Variants in MAP4 observed in about 807,000 individuals in gnomAD.
MAP4 encodes the protein microtubule associated protein 4, also known as microtubule-associated protein 4.
MAP4 carries 76 observed loss-of-function variants against 170.2 expected under a neutral mutation model. The observed-to-expected ratio is 0.45, with a 90% CI of 0.37 to 0.54. MAP4 has a LOEUF of 0.54. Ranked by LOEUF, MAP4 falls within the 20% of genes least tolerant of loss-of-function variation. The probability of loss-of-function intolerance (pLI) is 0.00; values close to 1 mark genes in which losing one functional copy is unlikely to be tolerated. For missense variants in MAP4, 2,506 were observed against 2,748.0 expected (o/e 0.91, Z 1.97); for synonymous variants, 909 against 994.5 (o/e 0.91, Z 1.62).
intron 1 of MAP4, among the ~76,000 whole-genome samples, chr3:48,061,805 C>G (rs1179218976): frequency 2.6e-5 from 4 of 151,594 alleles, no homozygotes; most frequent in African/African-American, 9.7e-5. Context: ...GGGGCAGCCC[C>G]CACCCGGCCA....
Position 47,852,801 on chromosome 3 carries a change from A to G in MAP4, c.*133T>C. 6.5e-7 allele frequency: 1 copy of G among 1,549,268 alleles called. No individual in the cohort carries two copies. The highest frequency in any genetic ancestry group is 8.7e-7 in the Non-Finnish European group (1 of 1,146,968). ...CCAAGCGCTCACTGGTCTAGTGGACAGCCCGGGAAAGGGGGCCAAGGACCC... is the reference window on the plus strand; with the variant it reads ...CCAAGCGCTCACTGGTCTAGTGGACGGCCCGGGAAAGGGGGCCAAGGACCC... On this transcript the variant is annotated 3_prime_UTR_variant, in exon 21 of 21. Coordinates refer to ENST00000683076, the MANE Select transcript of MAP4 (RefSeq NM_001385682.1).
chr3:48,051,214 A>G (rs924980558), intron 1 of MAP4, among the ~76,000 whole-genome samples: 5 of 151,514 alleles, frequency 3.3e-5, no homozygotes, highest in African/African-American at 1.2e-4. Context: ...GGAGTTCAAG[A>G]CCAGCCTGGG....
rs754730874 is a variant in MAP4, at chr3:47,852,859, G to A, written c.*75C>T. 3.8e-6 allele frequency: 6 copies of A among 1,565,904 alleles called. No individual in the cohort carries two copies. The highest frequency in any genetic ancestry group is 1.9e-5 in the Admixed American group (1 of 51,932). On this transcript the variant is annotated 3_prime_UTR_variant, in exon 21 of 21. Coordinates refer to ENST00000683076, the MANE Select transcript of MAP4 (RefSeq NM_001385682.1). Reference sequence around the variant, plus strand: ...CGAGTTGGGGCCGCCAGGGAAGTGTGGGGGGCGGGAGACAATGTCGGCCCC... The same window carrying A: ...CGAGTTGGGGCCGCCAGGGAAGTGTAGGGGGCGGGAGACAATGTCGGCCCC...
Position 47,855,050 on chromosome 3 carries a change from G to A in MAP4, c.6696+198C>T. 1 of 551,012 alleles carries A rather than the reference G, an allele frequency of 1.8e-6. No homozygotes were observed. The highest frequency in any genetic ancestry group is 3.3e-6 in the Non-Finnish European group (1 of 305,174). The allele number at this position is 551,012 out of a possible 1,614,324, so 34.1% of individuals were successfully genotyped here. A position where few individuals can be genotyped will look rare whatever the true frequency, so the allele number is the denominator to read the frequency against. ...GCCTCCAGCTGACAGGTGAGGGGTG[G>A]CTGGGCTGGGGCCTCTTCACTTCTG... On this transcript the variant is annotated intron_variant, in intron 19 of 20. Coordinates refer to ENST00000683076, the MANE Select transcript of MAP4 (RefSeq NM_001385682.1). This position sits in a 1 kb window ranked among gnomAD's most constrained non-coding sequence, Gnocchi z 5.1.
At chr3:48,054,629 CAAAAAAA>C (rs745809251) in intron 1 of MAP4, among the ~76,000 whole-genome samples, 27 of 39,540 alleles carry the variant, frequency 6.8e-4, no homozygotes, top group Non-Finnish European at 6.1e-4. Flanking sequence ...GACTCCATCT[CAAAAAAA>C]AAAAAAAAAA....
intron 1 of MAP4, among the ~76,000 whole-genome samples, chr3:48,062,639 G>A (rs1352965826): frequency 6.6e-6 from 1 of 151,116 alleles, no homozygotes; most frequent in Non-Finnish European, 1.5e-5. Context: ...AATGAACAAT[G>A]TGGCTGGGCG....
chr3:47,880,645 A>G (rs577460120), intron 10 of MAP4, among the ~76,000 whole-genome samples: 6 of 151,848 alleles, frequency 4.0e-5, no homozygotes, highest in African/African-American at 1.5e-4. Flanking sequence ...TACAAAAAAA[A>G]TTTTTTTGAA....
chr3:47,927,676 T>C (rs1166473864), intron 4 of MAP4, among the ~76,000 whole-genome samples: 1 of 152,158 alleles, frequency 6.6e-6, no homozygotes, highest in Non-Finnish European at 1.5e-5. Flanking sequence ...CGTTTCTCCA[T>C]GTTGGTCAGG....
At chr3:47,861,781 C>G (rs1211421856) in intron 17 of MAP4, among the ~76,000 whole-genome samples, 1 of 151,546 alleles carries the variant, frequency 6.6e-6, no homozygotes, top group Non-Finnish European at 1.5e-5. Flanking sequence ...ATTGATTGAG[C>G]CCAGAAGGCG....
intron 3 of MAP4, 92 bp downstream of exon 3, chr3:47,977,773 C>T: frequency 3.5e-6 from 3 of 848,768 alleles, no homozygotes; most frequent in Non-Finnish European, 5.9e-6. Flanking sequence ...AATTCATATG[C>T]TTCCATTAAT....
Position 47,916,990 on chromosome 3 carries a change from T to C in MAP4, c.837A>G (p.Glu279=). 1 of 1,614,212 alleles carries C rather than the reference T, an allele frequency of 6.2e-7. No individual in the cohort carries two copies. Among genetic ancestry groups the C allele is most frequent in the Non-Finnish European group, 8.5e-7 (1 of 1,180,036 alleles). ...GTGTCACATCTAATTTGGTGGGTGA[T>C]TCCATATCTTTAGCCAATGCCACCT... ...KTEVALAKDM[E]SPTKLDVTLA... The change falls in exon 7 of 21, where the codon GAA becomes GAG. Residue 279 remains glutamate (E), a synonymous_variant. Coordinates refer to ENST00000683076, the MANE Select transcript of MAP4 (RefSeq NM_001385682.1).
chr3:47,998,787 A>C lies in MAP4; in HGVS notation c.74T>G (p.Phe25Cys). ...PDIEGEIKRD[F>C]IATLEAEAFD... ...GGCCTCTGCCTCTAGTGTGGCAATG[A>C]AGTCCCGCTTTATCTCTCCCTCAAT... The change falls in exon 2 of 21, where the codon TTC becomes TGC. Residue 25 changes from phenylalanine (F) to cysteine (C), a missense_variant. Transcript: ENST00000683076. 6.2e-7 allele frequency: 1 copy of C among 1,614,130 alleles called. No homozygotes were observed. Among genetic ancestry groups the C allele is most frequent in the South Asian group, 1.1e-5 (1 of 91,084 alleles).
chr3:48,061,223 C>T (rs949916054), intron 1 of MAP4, among the ~76,000 whole-genome samples: 14 of 150,750 alleles, frequency 9.3e-5, no homozygotes, highest in South Asian at 4.2e-4. Flanking sequence ...TCTCTTTCCA[C>T]GGTCTCCCTC....
chr3:48,029,523 A>G (rs1375386579), intron 1 of MAP4, among the ~76,000 whole-genome samples: 2 of 152,152 alleles, frequency 1.3e-5, no homozygotes, highest in African/African-American at 4.8e-5. Context: ...AGTTTTGTCA[A>G]TGACCTGAAA....
chr3:47,869,361 C>T (rs752464254), intron 15 of MAP4, 34 bp from the exon 16 acceptor site: 10 of 1,427,756 alleles, frequency 7.0e-6, no homozygotes, highest in Admixed American at 3.4e-5. Flanking sequence ...AAATTTCAAA[C>T]CAAGAGGATA....
chr3:47,916,823 A>G lies in MAP4; in HGVS notation c.1004T>C (p.Val335Ala). The change falls in exon 7 of 21, where the codon GTA becomes GCA. Residue 335 changes from valine to alanine, a missense_variant. Physicochemically the swap from Val to Ala is moderately conservative, Grantham distance 64 (BLOSUM62 0). Coordinates refer to ENST00000683076, the MANE Select transcript of MAP4 (RefSeq NM_001385682.1). ...ETDVSSAKNV[V>A]LPTETEVAPA... Reference sequence around the variant, plus strand: ...GGCTACCTCTGTTTCTGTGGGCAGTACCACATTCTTGGCTGAAGATACATC... The same window carrying G: ...GGCTACCTCTGTTTCTGTGGGCAGTGCCACATTCTTGGCTGAAGATACATC... The G allele has an allele frequency of 1.2e-6, 2 of 1,614,216 alleles. No homozygotes were observed. The highest frequency in any genetic ancestry group is 1.7e-6 in the Non-Finnish European group (2 of 1,180,040).
intron 3 of MAP4, among the ~76,000 whole-genome samples, chr3:47,960,107 G>A (rs2100070656): frequency 2.0e-5 from 3 of 152,108 alleles, no homozygotes; most frequent in Admixed American, 1.3e-4. Context: ...CAAGTGATCC[G>A]CCTGCCTCGC....
At chr3:47,971,289 T>C (rs764276326) in intron 3 of MAP4, among the ~76,000 whole-genome samples, 5 of 152,244 alleles carry the variant, frequency 3.3e-5, no homozygotes, top group Non-Finnish European at 7.3e-5. Context: ...TGAGTTATGA[T>C]GCCAATTTAC....
intron 1 of MAP4, among the ~76,000 whole-genome samples, chr3:48,008,831 C>G (rs2100103780): frequency 6.6e-6 from 1 of 152,162 alleles, no homozygotes; most frequent in African/African-American, 2.4e-5. Context: ...CTTCCACTCA[C>G]CAAGGCTGAC....
Sources: allele counts gnomAD v4.1 joint callset (sites outside exome capture counted in the v4.1 genomes callset), GRCh38; gene constraint gnomAD v4.1.1; non-coding constraint Gnocchi (gnomAD v3.1); transcripts MANE v1.5; gene names NCBI Gene and HGNC (gene_info 2026-07-23, HGNC 2026-07-21).